L3MBTL4: variants seen among roughly 807,000 people sequenced by gnomAD.
L3MBTL4 encodes the protein L3MBTL histone methyl-lysine binding protein 4.
In L3MBTL4, 70 loss-of-function variants were observed where a neutral mutation model predicts 84.5. The observed-to-expected ratio is 0.83, with a 90% CI of 0.68 to 1.01. The LOEUF is 1.01. Ranked by LOEUF, L3MBTL4 falls within the 50% of genes least tolerant of loss-of-function variation. L3MBTL4 has a pLI of 0.00. For missense variants in L3MBTL4, 715 were observed against 754.8 expected (o/e 0.95, Z 0.62); for synonymous variants, 274 against 259.8 (o/e 1.05, Z -0.52).
chr18:6,399,803 C>T (rs985474919), intron 1 of L3MBTL4: 2 of 152,108 alleles, frequency 1.3e-5, no homozygotes, highest in Admixed American at 6.5e-5. Context: ...ATTTTGGCTC[C>T]TTCCCAAACC....
chr18:5,996,403 A>C (rs2053966621), intron 16 of L3MBTL4, among the ~76,000 whole-genome samples: 1 of 152,216 alleles, frequency 6.6e-6, no homozygotes, highest in Non-Finnish European at 1.5e-5. Flanking sequence ...TGTAAAATGG[A>C]GCGCTGGCAG....
intron 13 of L3MBTL4, among the ~76,000 whole-genome samples, chr18:6,141,445 T>A (rs111594942): frequency 2.0e-5 from 3 of 152,106 alleles, no homozygotes; most frequent in African/African-American, 7.2e-5. Context: ...CCACTTGATG[T>A]CTCTGTAGTT....
intron 16 of L3MBTL4, among the ~76,000 whole-genome samples, chr18:5,978,779 G>A (rs2053076117): frequency 6.6e-6 from 1 of 152,188 alleles, no homozygotes; most frequent in Admixed American, 6.5e-5. Flanking sequence ...CTGGTTGTGA[G>A]GAGCTAATGG....
intron 16 of L3MBTL4, among the ~76,000 whole-genome samples, chr18:6,034,296 G>A (rs377449988): frequency 7.4e-5 from 11 of 149,650 alleles, no homozygotes; most frequent in South Asian, 2.1e-4. Context: ...ATCCCTCCCC[G>A]CTCCCCCCAC....
At chr18:6,121,952 C>A (rs571167838) in intron 14 of L3MBTL4, among the ~76,000 whole-genome samples, 93 of 152,180 alleles carry the variant, frequency 6.1e-4, no homozygotes, top group African/African-American at 2.1e-3. Flanking sequence ...TTTCAACTAC[C>A]ACTCCAGTTC....
intron 13 of L3MBTL4, among the ~76,000 whole-genome samples, chr18:6,168,785 A>C (rs912406738): frequency 7.9e-5 from 12 of 152,214 alleles, no homozygotes; most frequent in African/African-American, 2.9e-4. Context: ...TTCATGTCTA[A>C]AACACCAAAA....
intron 5 of L3MBTL4, among the ~76,000 whole-genome samples, chr18:6,249,399 T>C (rs1470646274): frequency 3.9e-5 from 6 of 152,186 alleles, no homozygotes; most frequent in East Asian, 1.9e-4. Context: ...TCACACGTGA[T>C]TGATAAATTT....
chr18:6,278,584 T>A (rs182665733), intron 4 of L3MBTL4, among the ~76,000 whole-genome samples: 38 of 152,338 alleles, frequency 2.5e-4, no homozygotes, highest in Admixed American at 2.2e-3. Flanking sequence ...TTCCTCGGGT[T>A]TCATTTCTTG....
At chr18:6,065,203 T>C (rs913455201) in intron 16 of L3MBTL4, among the ~76,000 whole-genome samples, 5 of 152,100 alleles carry the variant, frequency 3.3e-5, no homozygotes, top group African/African-American at 9.7e-5. Flanking sequence ...TGAAATCTAC[T>C]TGATCATAAT....
At chr18:6,335,603 C>A (rs533917695) in intron 1 of L3MBTL4, among the ~76,000 whole-genome samples, 1 of 152,198 alleles carries the variant, frequency 6.6e-6, no homozygotes, top group Non-Finnish European at 1.5e-5. Flanking sequence ...CCACCCAAAT[C>A]TTATCTTGAA....
At chr18:6,051,392 A>G (rs1181093215) in intron 16 of L3MBTL4, among the ~76,000 whole-genome samples, 1 of 152,114 alleles carries the variant, frequency 6.6e-6, no homozygotes, top group African/African-American at 2.4e-5. Context: ...TACAAAAACT[A>G]GCCAGGCATG....
chr18:5,998,295 G>A (rs1434083083), intron 16 of L3MBTL4, among the ~76,000 whole-genome samples: 3 of 152,178 alleles, frequency 2.0e-5, no homozygotes, highest in Admixed American at 6.5e-5. Flanking sequence ...TAGCGGGAGG[G>A]GGACTAGGAA....
chr18:6,127,352 C>T (rs1266647615), intron 14 of L3MBTL4, among the ~76,000 whole-genome samples: 2 of 152,122 alleles, frequency 1.3e-5, no homozygotes, highest in Admixed American at 1.3e-4. Flanking sequence ...TGGCCCAAGA[C>T]GATGCTTCTT....
intron 4 of L3MBTL4, among the ~76,000 whole-genome samples, chr18:6,287,381 C>G (rs983050058): frequency 1.3e-5 from 2 of 152,164 alleles, no homozygotes; most frequent in Non-Finnish European, 2.9e-5. Context: ...AAAAGACTGT[C>G]TTAAGGCTCT....
chr18:6,337,292 A>C (rs2052387517), intron 1 of L3MBTL4, among the ~76,000 whole-genome samples: 2 of 152,186 alleles, frequency 1.3e-5, no homozygotes, highest in Non-Finnish European at 2.9e-5. Context: ...CAACATTCCT[A>C]GAACGGAAAT....
intron 16 of L3MBTL4, among the ~76,000 whole-genome samples, chr18:5,969,949 C>A (rs1469073921): frequency 1.3e-5 from 2 of 152,234 alleles, no homozygotes; most frequent in Non-Finnish European, 2.9e-5. Context: ...GCACACCAAA[C>A]CATCTGGGAT....
chr18:6,155,241 T>C (rs775862617), intron 13 of L3MBTL4, among the ~76,000 whole-genome samples: 1 of 152,198 alleles, frequency 6.6e-6, no homozygotes, highest in Non-Finnish European at 1.5e-5. Flanking sequence ...GAAATAACAC[T>C]ACATACAGAA....
At position 6,196,120 on chromosome 18, in the gene L3MBTL4, C is replaced by T. The variant is rs114580690; in HGVS notation, c.981+17029G>A. On this transcript the variant is annotated intron_variant, in intron 12 of 18. Coordinates refer to ENST00000317931, the MANE Select transcript of L3MBTL4 (RefSeq NM_001330559.2). ...ACTGATATCTGCTTCCCCACAACTC[C>T]AAGAAACAGCCTCATTTGTGCCTAT... is the stretch of plus-strand genomic sequence containing the variant. Among the ~76,000 whole-genome samples, 766 of 151,834 alleles carry T rather than the reference C, an allele frequency of 5.0e-3. 8 individuals are homozygous for T. Among genetic ancestry groups the T allele is most frequent in the African/African-American group, 0.018 (745 of 41,338 alleles).
Position 6,030,039 on chromosome 18 carries a change from G to A in L3MBTL4, c.1444+50842C>T, listed in dbSNP as rs185245598. ...AGGGACTGGTCACTTATAGTGTGCCGCTCCATGTGTTAAGAACTGCTCGTC... is the reference window on the plus strand; with the variant it reads ...AGGGACTGGTCACTTATAGTGTGCCACTCCATGTGTTAAGAACTGCTCGTC... On this transcript the variant is annotated intron_variant, in intron 16 of 18. Coordinates refer to ENST00000317931, the MANE Select transcript of L3MBTL4 (RefSeq NM_001330559.2). 4.7e-5 allele frequency: 46 copies of A among 985,396 alleles called. No individual in the cohort carries two copies. The Admixed American group carries it at 4.9e-4, about 11-fold the overall frequency. 61.0% of individuals were successfully genotyped at this position (985,396 alleles called of 1,614,324 possible). A position where few individuals can be genotyped will look rare whatever the true frequency, so the allele number is the denominator to read the frequency against.
Sources: allele counts gnomAD v4.1 joint callset (sites outside exome capture counted in the v4.1 genomes callset), GRCh38; gene constraint gnomAD v4.1.1; transcripts MANE v1.5; gene names NCBI Gene and HGNC (gene_info 2026-07-23, HGNC 2026-07-21).